TENM2: variants seen among roughly 807,000 people sequenced by gnomAD.
TENM2 encodes the protein teneurin transmembrane protein 2.
In TENM2, 52 loss-of-function variants were observed where a neutral mutation model predicts 245.2. That is an observed-to-expected ratio of 0.21 (90% CI 0.17 to 0.27). TENM2 has a LOEUF of 0.27. TENM2 is among the 10% of genes least tolerant of loss of function. The pLI is 1.00. For missense variants in TENM2, 3,046 were observed against 3,666.8 expected (o/e 0.83, Z 4.37); for synonymous variants, 1,363 against 1,438.9 (o/e 0.95, Z 1.19).
intron 2 of TENM2, among the ~76,000 whole-genome samples, chr5:167,504,302 TA>T (rs1769401671): frequency 1.3e-5 from 2 of 152,210 alleles, no homozygotes; most frequent in African/African-American, 4.8e-5. Flanking sequence ...TAAAGGTTGT[TA>T]AATTAATCTT....
chr5:167,319,654 AG>A (rs1381256949), intron 1 of TENM2, among the ~76,000 whole-genome samples: 5 of 152,210 alleles, frequency 3.3e-5, no homozygotes, highest in Non-Finnish European at 7.4e-5. Flanking sequence ...ATTTGAAGGA[AG>A]AAGCTGCATC....
At chr5:167,526,684 A>T (rs1771149019) in intron 2 of TENM2, among the ~76,000 whole-genome samples, 1 of 151,944 alleles carries the variant, frequency 6.6e-6, no homozygotes, top group Admixed American at 6.6e-5. Flanking sequence ...CTGGATCTTT[A>T]CTCCTAGGAA....
At chr5:167,822,842 G>A (rs567731666) in intron 2 of TENM2, among the ~76,000 whole-genome samples, 21 of 152,306 alleles carry the variant, frequency 1.4e-4, no homozygotes, top group African/African-American at 4.8e-4. Context: ...CAGTACCAAT[G>A]CAATTGCATT....
At chr5:168,227,175 G>T (rs1015897759) in intron 24 of TENM2, among the ~76,000 whole-genome samples, 1 of 152,174 alleles carries the variant, frequency 6.6e-6, no homozygotes, top group Admixed American at 6.5e-5. Context: ...AGGAGTCTCT[G>T]ACTCACATTT....
Position 167,684,297 on chromosome 5 carries a change from G to T in TENM2, c.503-191689G>T, listed in dbSNP as rs1468471144. Among the ~76,000 whole-genome samples the T allele has an allele frequency of 2.0e-5, 3 of 152,312 alleles. No individual in the cohort carries two copies. In the East Asian group the frequency reaches 5.8e-4, roughly 29 times the overall value. On this transcript the variant is annotated intron_variant, in intron 2 of 28. Coordinates refer to ENST00000518659, the Ensembl canonical transcript of TENM2. ...GGTTCTTATGTGGGTGAGCACAGGG[G>T]TAGCCTTTGTCTCACATAAGCACAA...
intron 12 of TENM2, among the ~76,000 whole-genome samples, chr5:168,150,012 G>A (rs949847115): frequency 2.0e-5 from 3 of 152,036 alleles, no homozygotes; most frequent in Admixed American, 1.3e-4. Context: ...TCCTATATAA[G>A]ACAGTCACCT....
intron 2 of TENM2, among the ~76,000 whole-genome samples, chr5:167,443,874 A>G (rs1384021454): frequency 6.6e-6 from 1 of 152,128 alleles, no homozygotes; most frequent in Non-Finnish European, 1.5e-5. Flanking sequence ...ATTATGGTTT[A>G]TGGATTTTTG....
chr5:167,029,306 A>G, the TENM2 span, among the ~76,000 whole-genome samples: 1 of 152,150 alleles, frequency 6.6e-6, no homozygotes, highest in African/African-American at 2.4e-5. Context: ...TACTATTCTC[A>G]AGGTCTTAAA....
intron 4 of TENM2, among the ~76,000 whole-genome samples, chr5:167,986,797 G>T (rs994425930): frequency 6.6e-6 from 1 of 152,154 alleles, no homozygotes; most frequent in Non-Finnish European, 1.5e-5. Context: ...CCTCTGAAGG[G>T]GAGAAGCTGT....
At chr5:168,161,843 CAT>C (rs1491021841) in intron 12 of TENM2, among the ~76,000 whole-genome samples, 1 of 151,660 alleles carries the variant, frequency 6.6e-6, no homozygotes, top group Non-Finnish European at 1.5e-5. Context: ...CACACACACA[CAT>C]CAATAAAGGA....
rs1340358700 is a variant in TENM2, at chr5:168,204,240, T to C, written c.3575-132T>C. On this transcript the variant is annotated intron_variant, in intron 18 of 28. Coordinates refer to ENST00000518659, the Ensembl canonical transcript of TENM2. The stretch of plus-strand genomic sequence containing the variant: ...TCTCCCACTGCAGCTCTCTCCACAT[T>C]GTGAAGAAGTTGGAGAGCTCCCCGA... 11 of 967,734 alleles carry C rather than the reference T, an allele frequency of 1.1e-5. No individual in the cohort carries two copies. The East Asian group carries it at 2.9e-4, about 26-fold the overall frequency. 59.9% of individuals were successfully genotyped at this position (967,734 alleles called of 1,614,324 possible).
chr5:167,791,507 TATA>T (rs1220064233), intron 2 of TENM2, among the ~76,000 whole-genome samples: 1 of 52,892 alleles, frequency 1.9e-5, no homozygotes, highest in Non-Finnish European at 2.9e-5. Context: ...TTTTATATAT[TATA>T]ATATATAAAT....
intron 2 of TENM2, among the ~76,000 whole-genome samples, chr5:167,815,292 T>C (rs1287843061): frequency 2.0e-5 from 3 of 150,878 alleles, no homozygotes; most frequent in African/African-American, 7.3e-5. Context: ...AAGGGGAGAG[T>C]TTGTAACGAT....
chr5:167,115,941 C>T, the TENM2 span, among the ~76,000 whole-genome samples: 6 of 152,060 alleles, frequency 3.9e-5, no homozygotes, highest in African/African-American at 7.2e-5. Context: ...TCCTTCAGCT[C>T]GGAGATTGGA....
At chr5:167,644,386 T>C (rs1209401007) in intron 2 of TENM2, among the ~76,000 whole-genome samples, 1 of 152,192 alleles carries the variant, frequency 6.6e-6, no homozygotes, top group Non-Finnish European at 1.5e-5. Context: ...AGCAAATGTT[T>C]CTTTCTTTCC....
intron 2 of TENM2, among the ~76,000 whole-genome samples, chr5:167,836,194 CCTAA>C (rs1768972663): frequency 6.6e-6 from 1 of 152,202 alleles, no homozygotes; most frequent in African/African-American, 2.4e-5. Flanking sequence ...TCCCCTCCAG[CCTAA>C]CTGAGAACCA....
At chr5:167,454,015 G>T (rs1765760864) in intron 2 of TENM2, among the ~76,000 whole-genome samples, 1 of 152,078 alleles carries the variant, frequency 6.6e-6, no homozygotes. Context: ...ATGTCCCCCA[G>T]ATTATAGTTT....
At chr5:167,181,045 T>C in the TENM2 span, among the ~76,000 whole-genome samples, 22 of 152,110 alleles carry the variant, frequency 1.4e-4, no homozygotes, top group East Asian at 4.3e-3. Context: ...TATTTTGATT[T>C]CTCAATCCTA....
chr5:168,066,817 A>G (rs766578744), intron 7 of TENM2, among the ~76,000 whole-genome samples: 1 of 152,222 alleles, frequency 6.6e-6, no homozygotes, highest in African/African-American at 2.4e-5. Flanking sequence ...AAACTGTGTC[A>G]GATTTGCTCA....
Sources: gnomAD v4.1 joint callset for allele counts (sites outside exome capture counted in the v4.1 genomes callset) on GRCh38, gnomAD v4.1.1 for gene constraint, MANE v1.5 for transcripts, NCBI Gene and HGNC (gene_info 2026-07-23, HGNC 2026-07-21) for gene names.